The following XKR6 variants were observed in gnomAD, a reference collection of about 807,000 sequenced individuals.
The protein encoded by XKR6 is XK related 6, also known as XK-related protein 6.
Under a neutral mutation model 56.7 loss-of-function variants are expected in XKR6, and 22 were observed. That is an observed-to-expected ratio of 0.39 (90% CI 0.28 to 0.55). The LOEUF (loss-of-function observed/expected upper bound fraction) is 0.55, where lower values mean the gene tolerates loss of function less well. XKR6 is among the 20% of genes least tolerant of loss of function. XKR6 has a pLI of 0.66. For synonymous variants in XKR6, 524 were observed against 387.8 expected (o/e 1.35, Z -4.13); for missense variants, 852 against 889.0 (o/e 0.96, Z 0.53).
chr8:11,154,139 G>A (rs1385967340), intron 1 of XKR6, among the ~76,000 whole-genome samples: 1 of 152,140 alleles, frequency 6.6e-6, no homozygotes, highest in African/African-American at 2.4e-5. Context: ...GTGGGGGTTG[G>A]CCACACTGGA....
intron 1 of XKR6, among the ~76,000 whole-genome samples, chr8:10,944,536 C>G (rs1394992177): frequency 6.6e-6 from 1 of 152,210 alleles, no homozygotes; most frequent in East Asian, 1.9e-4. Context: ...CACTTTCAGA[C>G]TCCCTCAGGA....
At chr8:10,930,114 G>A (rs1801012802) in intron 1 of XKR6, among the ~76,000 whole-genome samples, 1 of 152,188 alleles carries the variant, frequency 6.6e-6, no homozygotes, top group Non-Finnish European at 1.5e-5. Flanking sequence ...TTGCCCCTCT[G>A]AGGTTGGCTA....
intron 1 of XKR6, among the ~76,000 whole-genome samples, chr8:11,059,231 C>T (rs1409397272): frequency 3.3e-5 from 5 of 152,366 alleles, no homozygotes; most frequent in African/African-American, 1.2e-4. Flanking sequence ...CGACCCCCTG[C>T]GCTGGCCAGC....
At chr8:11,170,606 G>A (rs1485549440) in intron 1 of XKR6, among the ~76,000 whole-genome samples, 1 of 152,174 alleles carries the variant, frequency 6.6e-6, no homozygotes, top group East Asian at 1.9e-4. Context: ...TTAAAAATGT[G>A]CTAAAATTAG....
chr8:11,155,921 T>C (rs951363531), intron 1 of XKR6, among the ~76,000 whole-genome samples: 7 of 152,286 alleles, frequency 4.6e-5, no homozygotes, highest in Non-Finnish European at 1.0e-4. Flanking sequence ...GTCCTCCTTC[T>C]CTCCTGATGC....
In XKR6 at chr8:11,002,754, G is replaced by A. The variant is rs571272960; in HGVS notation, c.765-77924C>T. On this transcript the variant is annotated intron_variant, in intron 1 of 2. Coordinates refer to ENST00000416569, the MANE Select transcript of XKR6 (RefSeq NM_173683.4). The stretch of plus-strand genomic sequence containing the variant: ...TCCACCACCATCATAGACAAGGTGC[G>A]GGCTCAGTGCTAAGGATGGTACTGC... Among the ~76,000 whole-genome samples the A allele has an allele frequency of 2.6e-5, 4 of 152,320 alleles. No individual in the cohort carries two copies. In the South Asian group the frequency reaches 6.2e-4, roughly 24 times the overall value.
At chr8:10,913,504 T>A (rs113594828) in intron 2 of XKR6, among the ~76,000 whole-genome samples, 3 of 152,132 alleles carry the variant, frequency 2.0e-5, no homozygotes, top group African/African-American at 7.2e-5. Context: ...ATGGAGGCCA[T>A]ATGCACCCCC....
At chr8:11,198,865 C>A (rs182584926) in intron 1 of XKR6, among the ~76,000 whole-genome samples, 25 of 152,046 alleles carry the variant, frequency 1.6e-4, no homozygotes, top group African/African-American at 5.8e-4. Context: ...TTTGTCCCTC[C>A]CCTGCTTCAT....
At chr8:11,056,970 G>A (rs1365371272) in intron 1 of XKR6, among the ~76,000 whole-genome samples, 8 of 152,250 alleles carry the variant, frequency 5.3e-5, no homozygotes, top group South Asian at 4.1e-4. Context: ...CTACCCCCAC[G>A]TTGGTGCCCA....
At chr8:11,105,103 G>T (rs1272068626) in intron 1 of XKR6, 6 of 152,216 alleles carry the variant, frequency 3.9e-5, no homozygotes, top group African/African-American at 1.4e-4. Flanking sequence ...TGTGAGTTAT[G>T]GGTTACGAGA....
intron 2 of XKR6, among the ~76,000 whole-genome samples, chr8:10,909,928 C>A (rs550466823): frequency 2.0e-5 from 3 of 151,816 alleles, no homozygotes; most frequent in South Asian, 4.2e-4. Context: ...AAGAATTTGC[C>A]TAAGCTTACA....
chr8:11,186,436 G>A (rs1347051680), intron 1 of XKR6, among the ~76,000 whole-genome samples: 1 of 152,162 alleles, frequency 6.6e-6, no homozygotes, highest in African/African-American at 2.4e-5. Flanking sequence ...GGCTGCAGTG[G>A]CACAATCACA....
intron 1 of XKR6, among the ~76,000 whole-genome samples, chr8:11,119,529 C>T (rs1480885777): frequency 6.6e-6 from 1 of 152,154 alleles, no homozygotes; most frequent in Non-Finnish European, 1.5e-5. Flanking sequence ...ACAGTTAGCT[C>T]TTCTTGTTGA....
At chr8:11,061,250 G>C (rs1188825602) in intron 1 of XKR6, among the ~76,000 whole-genome samples, 1 of 152,142 alleles carries the variant, frequency 6.6e-6, no homozygotes, top group African/African-American at 2.4e-5. Flanking sequence ...GATTGCTTGA[G>C]CCCCAGGAGT....
intron 1 of XKR6, among the ~76,000 whole-genome samples, chr8:11,058,496 A>G (rs933879307): frequency 1.6e-4 from 25 of 152,258 alleles, no homozygotes; most frequent in African/African-American, 5.5e-4. Context: ...ACCATGGAAT[A>G]CTATGCAGCC....
At chr8:11,072,569 C>A (rs974379654) in intron 1 of XKR6, among the ~76,000 whole-genome samples, 3 of 152,166 alleles carry the variant, frequency 2.0e-5, no homozygotes, top group African/African-American at 7.2e-5. Flanking sequence ...AAAGTCCACA[C>A]GTCTCATGTT....
rs553751669 is a variant in XKR6 at position 11,200,253 on chromosome 8, A to G, written c.764+323T>C. Among the ~76,000 whole-genome samples the G allele has an allele frequency of 6.4e-4, 98 of 152,250 alleles. No homozygotes were observed. Among genetic ancestry groups the G allele is most frequent in the African/African-American group, 2.3e-3 (96 of 41,564 alleles). On this transcript the variant is annotated intron_variant, in intron 1 of 2. Transcript: ENST00000416569. The surrounding 1 kb of genome is among the most constrained non-coding windows in gnomAD (Gnocchi z 6.4). ...CAGCCCAGGGCGCCCGCAGCTGGTT[A>G]CCTCGGGAGGCAGGGAAAAGGGACG...
At chr8:11,169,936 AAGAG>A (rs200943416) in intron 1 of XKR6, among the ~76,000 whole-genome samples, 7 of 151,484 alleles carry the variant, frequency 4.6e-5, no homozygotes, top group Non-Finnish European at 1.0e-4. Flanking sequence ...AAGTGGGGAA[AAGAG>A]AGAGAGAGAT....
At chr8:11,098,322 G>C (rs1015919062) in intron 1 of XKR6, among the ~76,000 whole-genome samples, 1 of 152,038 alleles carries the variant, frequency 6.6e-6, no homozygotes, top group Non-Finnish European at 1.5e-5. Flanking sequence ...GGACTGAGCT[G>C]GAGGCCTGTC....
Sources: allele counts gnomAD v4.1 joint callset (sites outside exome capture counted in the v4.1 genomes callset), GRCh38; gene constraint gnomAD v4.1.1; non-coding constraint Gnocchi (gnomAD v3.1); transcripts MANE v1.5; gene names NCBI Gene and HGNC (gene_info 2026-07-23, HGNC 2026-07-21).